Variants in DGKQ observed in about 807,000 individuals in gnomAD.
DGKQ encodes the protein DAG kinase theta.
A neutral mutation model predicts 104.2 loss-of-function variants in DGKQ; 97 were observed. The observed-to-expected ratio is 0.93, with a 90% confidence interval of 0.79 to 1.10. The LOEUF is 1.10. Ranked by LOEUF, DGKQ falls within the 50% of genes least tolerant of loss-of-function variation. DGKQ has a pLI of 0.00. For missense variants in DGKQ, 1,465 were observed against 1,352.1 expected, an observed-to-expected ratio of 1.08 and a Z score of -1.31; for synonymous variants, 736 against 595.2, an observed-to-expected ratio of 1.24 and a Z score of -3.44.
chr4:968,087 G>A (rs1206777182), intron 5 of DGKQ, 60 bp from the exon 6 acceptor site: 4 of 1,210,976 alleles, frequency 3.3e-6, no homozygotes, highest in South Asian at 1.8e-5. Context: ...CACCAGGTGC[G>A]CCAGGTCCAG....
In DGKQ at chr4:962,485, G is replaced by T; in HGVS notation, c.2164C>A (p.His722Asn). 1 of 1,607,718 alleles carries T rather than the reference G, an allele frequency of 6.2e-7. No individual in the cohort carries two copies. Residue 722 changes from histidine (H) to asparagine (N), a missense_variant, in exon 18 of 23, where the codon CAC becomes AAC. Transcript: ENST00000273814. ...MDRWTILLDA[H>N]EAGSAENDTA... ...TCGTTCTCTGCACTGCCAGCCTCGT[G>T]GGCATCCAGCAGGATGGTCCAGCGG...
chr4:964,144 A>G (rs567591195), intron 15 of DGKQ: 9 of 154,780 alleles, frequency 5.8e-5, no homozygotes, highest in African/African-American at 1.9e-4. Context: ...CTCTGCCCAC[A>G]GAGCGAGTGG....
intron 2 of DGKQ, among the ~76,000 whole-genome samples, chr4:970,704 C>T (rs1478193285): frequency 6.6e-6 from 1 of 152,158 alleles, no homozygotes; most frequent in Non-Finnish European, 1.5e-5. Context: ...GCCCACTTCT[C>T]CGCCTGGAAA....
chr4:968,987 C>A (rs893169559), intron 2 of DGKQ, 77 bp from the exon 3 acceptor site: 24 of 935,850 alleles, frequency 2.6e-5, no homozygotes, highest in Non-Finnish European at 3.5e-5. Flanking sequence ...TCTTCACCTG[C>A]GCAACTCTGC....
chr4:973,153 C>T lies in DGKQ; in HGVS notation c.271+59G>A, dbSNP rs1267988019. 11 of 1,425,594 alleles carry T rather than the reference C, an allele frequency of 7.7e-6. No homozygotes were observed. The East Asian group carries it at 2.8e-4, about 36-fold the overall frequency. The allele number at this position is 1,425,594 out of a possible 1,614,324, so 88.3% of individuals were successfully genotyped here. ...CGCCGGTGCCACCTCCGCTCAGGCT[C>T]CCGCCCACGGGGCAGAGGCAGGGCT... On this transcript the variant is annotated intron_variant, in intron 1 of 22. Transcript: ENST00000273814.
Position 971,023 on chromosome 4 carries a change from CG to C in DGKQ, c.320del (p.Pro107ArgfsTer14), listed in dbSNP as rs1290958581. 6.4e-7 allele frequency: 1 copy of C among 1,555,154 alleles called. No individual in the cohort carries two copies. Among genetic ancestry groups the C allele is most frequent in the East Asian group, 2.4e-5 (1 of 41,738 alleles). Reference sequence around the variant, plus strand: ...CCAGGCTGGGTGCCACACTCGTGCACGGGATCCTCACGTGCTTCAGGCACTT... The same window carrying C: ...CCAGGCTGGGTGCCACACTCGTGCACGGATCCTCACGTGCTTCAGGCACTT... ...HEKCLKHVRI[P>X]CTSVAPSLVR... is the part of the protein sequence containing the mutation. On this transcript the variant is annotated frameshift_variant, in exon 2 of 23. Coordinates refer to ENST00000273814, the MANE Select transcript of DGKQ (RefSeq NM_001347.4). LOFTEE classifies it high-confidence loss of function. This position sits in a 1 kb window ranked among gnomAD's most constrained non-coding sequence, Gnocchi z 4.0.
Position 959,396 on chromosome 4 carries a change from G to C in DGKQ, c.*1224C>G, listed in dbSNP as rs1169258637. On this transcript the variant is annotated 3_prime_UTR_variant, in exon 23 of 23. Transcript: ENST00000273814. ...CCGTGGGACCGTTTCTCGTGGGGGA[G>C]TCGGGGCTTCCCCACAGAGCGGGCT... 1.8e-5 allele frequency: 2 copies of C among 108,452 alleles called. No individual in the cohort carries two copies. The highest frequency in any genetic ancestry group is 6.7e-5 in the African/African-American group (2 of 29,786). The allele number at this position is 108,452 out of a possible 1,614,324, so 6.7% of individuals were successfully genotyped here.
rs201424286 is a variant in DGKQ at position 961,645 on chromosome 4, G to GC, written c.2462+42dup. The GC allele has an allele frequency of 3.3e-3, 5,327 of 1,611,124 alleles. 158 individuals are homozygous for GC. In the African/African-American group the frequency reaches 0.064, roughly 19 times the overall value. ...AGGACGAGGGCTGAGCCTGCCCATGGCCCCGCCGGGCAGAGCCTCTGGGGA... is the reference window on the plus strand; with the variant it reads ...AGGACGAGGGCTGAGCCTGCCCATGGCCCCCGCCGGGCAGAGCCTCTGGGGA... On this transcript the variant is annotated intron_variant, in intron 20 of 22. Coordinates refer to ENST00000273814, the MANE Select transcript of DGKQ (RefSeq NM_001347.4).
chr4:972,442 T>A (rs1283472176), intron 1 of DGKQ, among the ~76,000 whole-genome samples: 1 of 152,068 alleles, frequency 6.6e-6, no homozygotes, highest in African/African-American at 2.4e-5. Context: ...TGGACCCCTA[T>A]CCCCAGAGAA....
At chr4:967,839 C>T (rs1429752851) in intron 6 of DGKQ, 37 bp from the exon 7 acceptor site, 2 of 1,522,742 alleles carry the variant, frequency 1.3e-6, no homozygotes, top group Non-Finnish European at 1.8e-6. Context: ...ATTCAGTGCG[C>T]AGCCCCCAGC....
At chr4:965,015 G>A (rs949767085) in intron 15 of DGKQ, among the ~76,000 whole-genome samples, 161 bp downstream of exon 15, 1 of 152,198 alleles carries the variant, frequency 6.6e-6, no homozygotes, top group African/African-American at 2.4e-5. Flanking sequence ...GCTGTTGTGA[G>A]GCACAAACAA....
At chr4:960,995 T>TGGCCGGCCCA (rs1267114502) in intron 22 of DGKQ, 54 bp downstream of exon 22, 15 of 1,597,616 alleles carry the variant, frequency 9.4e-6, no homozygotes, top group African/African-American at 1.3e-5. Flanking sequence ...GCCACTCCCA[T>TGGCCGGCCCA]GGCCGGCCCA....
chr4:970,582 C>T (rs1712848170), intron 2 of DGKQ, among the ~76,000 whole-genome samples: 3 of 152,160 alleles, frequency 2.0e-5, no homozygotes, highest in Admixed American at 2.0e-4. Context: ...TGAACAGACC[C>T]CCTGAAGCCT....
Position 966,532 on chromosome 4 carries a change from A to G in DGKQ, c.1367-5T>C. On this transcript the variant is annotated splice_region_variant and splice_polypyrimidine_tract_variant and intron_variant, in intron 11 of 22. Coordinates refer to ENST00000273814, the MANE Select transcript of DGKQ (RefSeq NM_001347.4). The stretch of plus-strand genomic sequence containing the variant: ...CCATCAGCATCGTCCGCTGGACTGC[A>G]GAGGTGAGGGCACAGGCCGTCAGCA... 6.2e-7 allele frequency: 1 copy of G among 1,611,710 alleles called. No individual in the cohort carries two copies. The highest frequency in any genetic ancestry group is 8.5e-7 in the Non-Finnish European group (1 of 1,179,212).
intron 1 of DGKQ, among the ~76,000 whole-genome samples, chr4:972,903 A>G (rs140183527): frequency 0.018 from 2,750 of 152,330 alleles, 57 homozygotes; most frequent in African/African-American, 0.062. Context: ...TGCCCCAGCC[A>G]CTGGGAGAGG....
rs765572125 is a variant in DGKQ, at chr4:971,964, T to C, written c.272-892A>G. Among the ~76,000 whole-genome samples, 4 of 151,926 alleles carry C rather than the reference T, an allele frequency of 2.6e-5. No homozygotes were observed. Among genetic ancestry groups the C allele is most frequent in the Non-Finnish European group, 5.9e-5 (4 of 67,924 alleles). ...AGATGGGACCGGGAGAAGCTTCTCC[T>C]GGCAGCTTAAGAGAAAAGCTCTGGA... On this transcript the variant is annotated intron_variant, in intron 1 of 22. Transcript: ENST00000273814. This position sits in a 1 kb window ranked among gnomAD's most constrained non-coding sequence, Gnocchi z 4.0.
Position 971,154 on chromosome 4 carries a change from A to T in DGKQ, c.272-82T>A. 1 of 1,003,376 alleles carries T rather than the reference A, an allele frequency of 1.0e-6. No homozygotes were observed. The highest frequency in any genetic ancestry group is 1.5e-6 in the Non-Finnish European group (1 of 657,580). 62.2% of individuals were successfully genotyped at this position (1,003,376 alleles called of 1,614,324 possible). A position where few individuals can be genotyped will look rare whatever the true frequency, so the allele number is the denominator to read the frequency against. ...CCAGGAAGTTAGAGGCCCCAGGGCA[A>T]TGACTGCCATACCCACCATGCTGCA... On this transcript the variant is annotated intron_variant, in intron 1 of 22. Coordinates refer to ENST00000273814, the MANE Select transcript of DGKQ (RefSeq NM_001347.4). This position sits in a 1 kb window ranked among gnomAD's most constrained non-coding sequence, Gnocchi z 4.0.
In DGKQ at chr4:970,676, G is replaced by A. The variant is rs976135865; in HGVS notation, c.351+317C>T. ...CTCCATCCCCCCCAGGAGCCCTCAC[G>A]CTGCATGTCACAGCCACGCCCACTT... On this transcript the variant is annotated intron_variant, in intron 2 of 22. Transcript: ENST00000273814. 1.1e-4 allele frequency among the ~76,000 whole-genome samples: 17 copies of A among 152,186 alleles called. 3 individuals are homozygous for A. Among genetic ancestry groups the A allele is most frequent in the East Asian group, 3.9e-4 (2 of 5,194 alleles).
rs1045751680 is a variant in DGKQ, at chr4:965,320, A to G, written c.1619-29T>C. ...CGGCAGGAGCCCAGGACTCAGGGGGAGCCTGTCCCATGGCCCCCACGGTGC... is the reference window on the plus strand; with the variant it reads ...CGGCAGGAGCCCAGGACTCAGGGGGGGCCTGTCCCATGGCCCCCACGGTGC... On this transcript the variant is annotated intron_variant, in intron 14 of 22. Transcript: ENST00000273814. The G allele has an allele frequency of 1.9e-6, 3 of 1,597,940 alleles. 1 individual carries two copies. Among genetic ancestry groups the G allele is most frequent in the South Asian group, 2.2e-5 (2 of 90,680 alleles).
Sources: gnomAD v4.1 joint callset for allele counts (sites outside exome capture counted in the v4.1 genomes callset) on GRCh38, gnomAD v4.1.1 for gene constraint, Gnocchi (gnomAD v3.1) non-coding constraint, MANE v1.5 for transcripts, NCBI Gene and HGNC (gene_info 2026-07-23, HGNC 2026-07-21) for gene names.